The following EYS variants were observed in gnomAD, a reference collection of about 807,000 sequenced individuals.
The protein encoded by EYS is protein eyes shut homolog.
Under a neutral mutation model 282.1 loss-of-function variants are expected in EYS, and 250 were observed. The ratio of observed to expected loss-of-function variants is 0.89; its 90% CI spans 0.80 to 0.98. The LOEUF is 0.98. Ranked by LOEUF, EYS falls within the 50% of genes least tolerant of loss-of-function variation. The probability of loss-of-function intolerance (pLI) is 0.00; values close to 1 mark genes in which losing one functional copy is unlikely to be tolerated. For synonymous variants in EYS, 1,355 were observed against 1,282.9 expected (o/e 1.06, Z -1.20); for missense variants, 4,016 against 3,709.0 (o/e 1.08, Z -2.15).
chr6:64,441,089 C>T (rs1011453651), intron 26 of EYS, among the ~76,000 whole-genome samples: 7 of 151,972 alleles, frequency 4.6e-5, no homozygotes, highest in African/African-American at 1.4e-4. Flanking sequence ...GTGGACAATG[C>T]CCCAAAGAAA....
intron 12 of EYS, among the ~76,000 whole-genome samples, chr6:65,262,160 A>G (rs697305): frequency 0.39 from 58,768 of 151,826 alleles, 12,550 homozygotes; most frequent in African/African-American, 0.57. Context: ...AATTCTGAGA[A>G]CTCATTATAT....
At chr6:65,405,723 A>G (rs1156400871) in intron 5 of EYS, among the ~76,000 whole-genome samples, 1 of 152,008 alleles carries the variant, frequency 6.6e-6, no homozygotes, top group African/African-American at 2.4e-5. Context: ...CTTCTTTTGC[A>G]TAGCAATTTT....
chr6:63,922,405 A>C (rs1304064159), intron 35 of EYS, among the ~76,000 whole-genome samples: 1 of 152,124 alleles, frequency 6.6e-6, no homozygotes, highest in Non-Finnish European at 1.5e-5. Flanking sequence ...TCTACTAAAA[A>C]TACAAAAATT....
intron 22 of EYS, among the ~76,000 whole-genome samples, chr6:64,729,441 G>T (rs1771881522): frequency 1.3e-5 from 2 of 152,184 alleles, no homozygotes; most frequent in South Asian, 4.1e-4. Flanking sequence ...AAATGTGCTT[G>T]TGTGATTTGA....
chr6:64,347,534 G>A (rs548500128), intron 29 of EYS, among the ~76,000 whole-genome samples: 1 of 151,226 alleles, frequency 6.6e-6, no homozygotes, highest in South Asian at 2.1e-4. Flanking sequence ...CTGGCAGATG[G>A]CTATAGTGGG....
chr6:65,459,050 G>A (rs1764726927), intron 5 of EYS, among the ~76,000 whole-genome samples: 2 of 152,104 alleles, frequency 1.3e-5, no homozygotes, highest in African/African-American at 4.8e-5. Flanking sequence ...TCTAAAAAAT[G>A]CTTTTATATT....
intron 33 of EYS, among the ~76,000 whole-genome samples, chr6:64,061,417 A>C (rs753625113): frequency 1.4e-4 from 22 of 152,194 alleles, no homozygotes; most frequent in Non-Finnish European, 2.5e-4. Flanking sequence ...GAAATGAAAG[A>C]CAAACTGTGC....
intron 22 of EYS, among the ~76,000 whole-genome samples, chr6:64,751,103 T>A (rs1376829227): frequency 6.6e-6 from 1 of 151,666 alleles, no homozygotes; most frequent in African/African-American, 2.4e-5. Flanking sequence ...TTGGTACACC[T>A]GCCAACCTGG....
intron 8 of EYS, among the ~76,000 whole-genome samples, chr6:65,363,960 T>C (rs1476388341): frequency 6.6e-6 from 1 of 151,504 alleles, no homozygotes; most frequent in African/African-American, 2.4e-5. Flanking sequence ...TTAATTATCT[T>C]TTTTATTGTG....
At chr6:64,792,745 T>C (rs1774229726) in intron 22 of EYS, among the ~76,000 whole-genome samples, 1 of 152,038 alleles carries the variant, frequency 6.6e-6, no homozygotes, top group South Asian at 2.1e-4. Context: ...TATTATATTG[T>C]ATAATGTTAG....
intron 30 of EYS, among the ~76,000 whole-genome samples, chr6:64,271,835 T>G (rs1767949359): frequency 6.6e-6 from 1 of 152,016 alleles, no homozygotes; most frequent in African/African-American, 2.4e-5. Context: ...TATTCTTATT[T>G]TATTTTATTT....
At chr6:65,617,427 T>A (rs1766242574) in intron 2 of EYS, among the ~76,000 whole-genome samples, 1 of 152,162 alleles carries the variant, frequency 6.6e-6, no homozygotes, top group Non-Finnish European at 1.5e-5. Context: ...AAATGTTTAA[T>A]GATACCTGAA....
chr6:64,306,908 A>G (rs994023594), intron 30 of EYS, 62 bp downstream of exon 30: 3 of 802,872 alleles, frequency 3.7e-6, no homozygotes, highest in Non-Finnish European at 6.2e-6. Context: ...TCAATTGGAA[A>G]TGATATCTTT....
intron 22 of EYS, among the ~76,000 whole-genome samples, chr6:64,775,225 T>C (rs1773642889): frequency 6.6e-6 from 1 of 152,004 alleles, no homozygotes; most frequent in African/African-American, 2.4e-5. Context: ...CATTGCCACC[T>C]TGAGTAACTC....
At chr6:64,702,260 T>G (rs1452255711) in intron 22 of EYS, among the ~76,000 whole-genome samples, 8 of 152,042 alleles carry the variant, frequency 5.3e-5, no homozygotes, top group African/African-American at 1.9e-4. Flanking sequence ...TCTACAAAGA[T>G]GAAATAGAGA....
chr6:64,554,285 CTA>C (rs1362128812), intron 26 of EYS, among the ~76,000 whole-genome samples: 18 of 152,102 alleles, frequency 1.2e-4, no homozygotes, highest in African/African-American at 4.3e-4. Flanking sequence ...AGAAATAACT[CTA>C]AATACTAAAA....
At chr6:64,057,813 A>G (rs970190126) in intron 33 of EYS, among the ~76,000 whole-genome samples, 2 of 152,128 alleles carry the variant, frequency 1.3e-5, no homozygotes, top group Non-Finnish European at 2.9e-5. Context: ...TTTAAGTTCA[A>G]AGACAGCTAA....
At chr6:64,410,330 C>A (rs907445152) in intron 28 of EYS, among the ~76,000 whole-genome samples, 2 of 152,104 alleles carry the variant, frequency 1.3e-5, no homozygotes, top group Non-Finnish European at 2.9e-5. Flanking sequence ...AAAATAGTAT[C>A]TGAGACTGAA....
intron 11 of EYS, among the ~76,000 whole-genome samples, chr6:65,312,230 G>T (rs1362896197): frequency 1.3e-5 from 2 of 150,784 alleles, no homozygotes; most frequent in Non-Finnish European, 2.9e-5. Flanking sequence ...ATAACTTTGA[G>T]TGAGAAATAG....
Sources: gnomAD v4.1 joint callset for allele counts (sites outside exome capture counted in the v4.1 genomes callset) on GRCh38, gnomAD v4.1.1 for gene constraint, MANE v1.5 for transcripts, NCBI Gene and HGNC (gene_info 2026-07-23, HGNC 2026-07-21) for gene names.